The following MRLN variants were observed in gnomAD, a reference collection of about 807,000 sequenced individuals.
MRLN encodes Linc-RNA activator of myogenesis.
intron 1 of MRLN, among the ~76,000 whole-genome samples, chr10:59,749,507 A>G (rs1841077213): frequency 6.6e-6 from 1 of 152,182 alleles, no homozygotes; most frequent in South Asian, 2.1e-4. Flanking sequence ...CAGCTTGGCC[A>G]ACATGGCAAA....
At chr10:59,738,902 A>C (rs2132585948) in intron 1 of MRLN, 1 of 152,252 alleles carries the variant, frequency 6.6e-6, no homozygotes, top group South Asian at 2.1e-4. Context: ...CGGGCAGATC[A>C]CAAGGTCAGG....
chr10:59,738,965 C>A (rs1477952156), intron 1 of MRLN: 2 of 151,408 alleles, frequency 1.3e-5, no homozygotes, highest in African/African-American at 4.9e-5. Flanking sequence ...ACTAAAAGTA[C>A]AAAAAAAATT....
At chr10:59,743,624 C>T (rs538818459) in intron 1 of MRLN, among the ~76,000 whole-genome samples, 17 of 152,284 alleles carry the variant, frequency 1.1e-4, no homozygotes, top group African/African-American at 3.8e-4. Flanking sequence ...TTATGAGTCA[C>T]ATGGTGCTTG....
chr10:59,750,672 C>T (rs907226835), intron 1 of MRLN, among the ~76,000 whole-genome samples: 1 of 152,296 alleles, frequency 6.6e-6, no homozygotes, highest in African/African-American at 2.4e-5. Context: ...TGTTATCAAC[C>T]TTCTCCCTGC....
In MRLN at chr10:59,740,757, A is replaced by AT. The variant is rs972810701; in HGVS notation, c.-124-2196dup. ...AAAAAATTGCAGTATATGAAATTTA[A>AT]TTTTTTTCTTTTTCTTTGTTTTCTT... On this transcript the variant is annotated intron_variant, in intron 1 of 2. Coordinates refer to ENST00000414264, the MANE Select transcript of MRLN (RefSeq NM_001304731.2). 1.1e-4 allele frequency among the ~76,000 whole-genome samples: 16 copies of AT among 148,440 alleles called. No individual in the cohort carries two copies. In the Admixed American group the frequency reaches 1.1e-3, roughly 10 times the overall value.
chr10:59,745,940 AT>A (rs1251531915), intron 1 of MRLN, among the ~76,000 whole-genome samples: 2 of 152,282 alleles, frequency 1.3e-5, no homozygotes, highest in Non-Finnish European at 2.9e-5. Context: ...CAACAAAAAA[AT>A]CCCTCTATTA....
intron 1 of MRLN, chr10:59,744,283 T>G (rs1341229085): frequency 6.4e-6 from 1 of 155,568 alleles, no homozygotes; most frequent in African/African-American, 2.5e-5. Context: ...CCGTCCCGTC[T>G]GAGATGTGAA....
At chr10:59,745,496 C>T (rs988607618) in intron 1 of MRLN, among the ~76,000 whole-genome samples, 2 of 118,456 alleles carry the variant, frequency 1.7e-5, no homozygotes, top group Admixed American at 1.8e-4. Flanking sequence ...CCCCCCCCAC[C>T]CCCCACCCCC....
intron 1 of MRLN, among the ~76,000 whole-genome samples, chr10:59,741,280 C>T (rs1382185373): frequency 6.6e-6 from 1 of 152,222 alleles, no homozygotes; most frequent in East Asian, 1.9e-4. Flanking sequence ...GTCCTGCAAG[C>T]TCCATTCATG....
chr10:59,748,096 T>G (rs538215259), intron 1 of MRLN, among the ~76,000 whole-genome samples: 29 of 150,572 alleles, frequency 1.9e-4, no homozygotes, highest in African/African-American at 6.0e-4. Context: ...CTTTTGTTTT[T>G]TTTTTTTTTG....
intron 1 of MRLN, among the ~76,000 whole-genome samples, chr10:59,751,294 A>AT (rs906440083): frequency 6.6e-6 from 1 of 152,028 alleles, no homozygotes; most frequent in Admixed American, 6.6e-5. Flanking sequence ...CTTAATGACA[A>AT]TTTTTTTCCA....
Position 59,743,932 on chromosome 10 carries a change from C to T in MRLN, c.-124-5370G>A, listed in dbSNP as rs75048805. ...CTGCCAGCCTCCGCCTCTCAGGTGC[C>T]GGGATTGTAGACGGAGTCTGGCTCA... On this transcript the variant is annotated intron_variant, in intron 1 of 2. Transcript: ENST00000414264. Among the ~76,000 whole-genome samples the T allele has an allele frequency of 9.5e-3, 1,447 of 152,292 alleles. 18 individuals carry two copies. Among genetic ancestry groups the T allele is most frequent in the African/African-American group, 0.033 (1,367 of 41,556 alleles).
chr10:59,742,475 G>T (rs903238403), intron 1 of MRLN, among the ~76,000 whole-genome samples: 7 of 152,108 alleles, frequency 4.6e-5, no homozygotes, highest in African/African-American at 1.4e-4. Flanking sequence ...ATCAAGAAAA[G>T]AAAGAGATTT....
At chr10:59,739,918 C>T (rs1206887844) in intron 1 of MRLN, among the ~76,000 whole-genome samples, 1 of 151,866 alleles carries the variant, frequency 6.6e-6, no homozygotes, top group African/African-American at 2.4e-5. Context: ...ATGGTGACAC[C>T]CTGTCTATAC....
chr10:59,744,932 C>T, intron 1 of MRLN: 1 of 186,366 alleles, frequency 5.4e-6, no homozygotes, highest in Non-Finnish European at 1.1e-5. Context: ...AGAGTCATCA[C>T]CACTCCCTAA....
chr10:59,747,158 T>G (rs1290059969), intron 1 of MRLN, among the ~76,000 whole-genome samples: 1 of 152,258 alleles, frequency 6.6e-6, no homozygotes, highest in South Asian at 2.1e-4. Context: ...TTATTCATAT[T>G]TATTGTTATT....
intron 1 of MRLN, among the ~76,000 whole-genome samples, chr10:59,745,709 T>C (rs1472299827): frequency 2.0e-5 from 3 of 150,560 alleles, no homozygotes; most frequent in Non-Finnish European, 4.4e-5. Flanking sequence ...TATTAGATAG[T>C]TGAGGAGTGG....
At chr10:59,740,057 C>T (rs1227052201) in intron 1 of MRLN, among the ~76,000 whole-genome samples, 1 of 150,682 alleles carries the variant, frequency 6.6e-6, no homozygotes, top group Non-Finnish European at 1.5e-5. Flanking sequence ...CGCCACTGCA[C>T]TCCAGCCTGG....
intron 2 of MRLN, among the ~76,000 whole-genome samples, 163 bp from the exon 3 acceptor site, chr10:59,737,383 T>C (rs1840935974): frequency 6.6e-6 from 1 of 152,220 alleles, no homozygotes; most frequent in Admixed American, 6.5e-5. Context: ...AATATTTTTC[T>C]CCCATTTATT....
Sources: allele counts gnomAD v4.1 joint callset (sites outside exome capture counted in the v4.1 genomes callset), GRCh38; gene constraint gnomAD v4.1.1; transcripts MANE v1.5; gene names NCBI Gene and HGNC (gene_info 2026-07-23, HGNC 2026-07-21).